PFKP: variants seen among roughly 807,000 people sequenced by gnomAD.
PFKP encodes ATP-dependent 6-phosphofructokinase, platelet type.
A neutral mutation model predicts 94.3 loss-of-function variants in PFKP; 101 were observed. The ratio of observed to expected loss-of-function variants is 1.07; its 90% confidence interval spans 0.91 to 1.26. The LOEUF (loss-of-function observed/expected upper bound fraction) is 1.26, where lower values mean the gene tolerates loss of function less well. Ranked by LOEUF, PFKP falls within the 50% of genes most tolerant of loss-of-function variation. The pLI, the probability that PFKP is intolerant of heterozygous loss-of-function variation, is 0.00. For synonymous variants in PFKP, 573 were observed against 432.6 expected (o/e 1.32, Z -4.03); for missense variants, 1,145 against 1,103.3 (o/e 1.04, Z -0.53).
At chr10:3,118,678 A>G in intron 14 of PFKP, 104 bp from the exon 15 acceptor site, 2 of 722,356 alleles carry the variant, frequency 2.8e-6, no homozygotes, top group Non-Finnish European at 2.4e-6. Flanking sequence ...CCTTAATTAA[A>G]ACCACAGACT....
At chr10:3,124,166 A>AG (rs1234278927) in intron 16 of PFKP, among the ~76,000 whole-genome samples, 4 of 152,182 alleles carry the variant, frequency 2.6e-5, no homozygotes, top group African/African-American at 7.2e-5. Context: ...TCTCCCAGGG[A>AG]GGTGTGGGCG....
At chr10:3,099,736 T>C (rs1834795965) in intron 3 of PFKP, among the ~76,000 whole-genome samples, 2 of 151,886 alleles carry the variant, frequency 1.3e-5, no homozygotes, top group South Asian at 2.1e-4. Context: ...ATCAGGAGAG[T>C]GTGGGCTGAA....
Position 3,108,754 on chromosome 10 carries a change from G to A in PFKP, c.924G>A (p.Val308=), listed in dbSNP as rs1457986935. Residue 308 remains valine (V), a synonymous_variant, in exon 9 of 22, where the codon GTG becomes GTA. Coordinates refer to ENST00000381125, the MANE Select transcript of PFKP (RefSeq NM_002627.5). Reference sequence around the variant, plus strand: ...CACGTGTGACCATCCTCGGGCACGTGCAGAGAGGAGGGACCCCTTCGGCAT... The same window carrying A: ...CACGTGTGACCATCCTCGGGCACGTACAGAGAGGAGGGACCCCTTCGGCAT... ...YDTRVTILGH[V]QRGGTPSAFD... 1.9e-6 allele frequency: 3 copies of A among 1,613,760 alleles called. No individual in the cohort carries two copies. The highest frequency in any genetic ancestry group is 1.7e-5 in the Admixed American group (1 of 60,004).
chr10:3,101,241 T>A, intron 3 of PFKP, 124 bp from the exon 4 acceptor site: 1 of 848,836 alleles, frequency 1.2e-6, no homozygotes. Flanking sequence ...AGTTACTAAC[T>A]CACAAGATGA....
At chr10:3,119,852 G>T (rs753308428) in intron 15 of PFKP, 40 bp from the exon 16 acceptor site, 5 of 1,608,364 alleles carry the variant, frequency 3.1e-6, no homozygotes, top group Middle Eastern at 1.7e-4. Context: ...CTCCTCCCCA[G>T]CTTCCCTCTC....
Position 3,112,160 on chromosome 10 carries a change from C to A in PFKP, c.1090-62C>A. ...GAAGGACCGAGCCAGTCTCTACCTA[C>A]CCCATCCATGATGCACCAGGTCCTG... On this transcript the variant is annotated intron_variant, in intron 10 of 21. Coordinates refer to ENST00000381125, the MANE Select transcript of PFKP (RefSeq NM_002627.5). The A allele has an allele frequency of 3.0e-6, 4 of 1,338,626 alleles. No individual in the cohort carries two copies. In the South Asian group the frequency reaches 3.5e-5, roughly 12 times the overall value. 82.9% of individuals were successfully genotyped at this position (1,338,626 alleles called of 1,614,324 possible). A position where few individuals can be genotyped will look rare whatever the true frequency, so the allele number is the denominator to read the frequency against.
At chr10:3,101,647 A>T in intron 4 of PFKP, 93 bp downstream of exon 4, 5 of 845,936 alleles carry the variant, frequency 5.9e-6, no homozygotes, top group Non-Finnish European at 8.9e-6. Flanking sequence ...TGGCAGAAGT[A>T]CCTCTTCTCA....
chr10:3,134,456 A>G (rs1273635651), intron 19 of PFKP, 27 bp from the exon 20 acceptor site: 6 of 1,305,800 alleles, frequency 4.6e-6, no homozygotes, highest in Non-Finnish European at 5.5e-6. Context: ...TATAACTGGT[A>G]TTTCATATAA....
chr10:3,108,257 C>T (rs1028441433), intron 8 of PFKP, among the ~76,000 whole-genome samples: 5 of 152,172 alleles, frequency 3.3e-5, no homozygotes, highest in African/African-American at 7.2e-5. Flanking sequence ...ATCACCGGGC[C>T]GGTGTGCCCA....
rs554969540 is a variant in PFKP, at chr10:3,111,398, A to G, written c.1090-824A>G. Among the ~76,000 whole-genome samples, 36 of 152,270 alleles carry G rather than the reference A, an allele frequency of 2.4e-4. No individual in the cohort carries two copies. The South Asian group carries it at 6.6e-3, about 28-fold the overall frequency. On this transcript the variant is annotated intron_variant, in intron 10 of 21. Coordinates refer to ENST00000381125, the MANE Select transcript of PFKP (RefSeq NM_002627.5). ...TGCATGTGAGAGGCAGTAGGCTTAAAAGGCTCAGAGCACTGAACGACATGC... is the reference window on the plus strand; with the variant it reads ...TGCATGTGAGAGGCAGTAGGCTTAAGAGGCTCAGAGCACTGAACGACATGC...
intron 16 of PFKP, among the ~76,000 whole-genome samples, chr10:3,123,752 C>G (rs1047516349): frequency 3.3e-5 from 5 of 152,260 alleles, no homozygotes; most frequent in African/African-American, 1.2e-4. Flanking sequence ...ACCAGGCCAG[C>G]CAGTGCCCCG....
chr10:3,080,033 G>A (rs944937165), intron 1 of PFKP, among the ~76,000 whole-genome samples: 1 of 152,084 alleles, frequency 6.6e-6, no homozygotes, highest in Non-Finnish European at 1.5e-5. Flanking sequence ...CAGAGCCGAG[G>A]AGGAGTTGGA....
At chr10:3,100,205 C>G (rs567312717) in intron 3 of PFKP, among the ~76,000 whole-genome samples, 1 of 151,888 alleles carries the variant, frequency 6.6e-6, no homozygotes, top group Non-Finnish European at 1.5e-5. Flanking sequence ...GTTGCTGGCT[C>G]TAGCTCCCAT....
intron 1 of PFKP, among the ~76,000 whole-genome samples, chr10:3,073,753 G>A (rs532490142): frequency 9.4e-5 from 14 of 149,514 alleles, no homozygotes; most frequent in African/African-American, 2.0e-4. Context: ...CAGTAGCCTC[G>A]GGGAGTCAGT....
At chr10:3,094,699 C>T (rs923065529) in intron 2 of PFKP, among the ~76,000 whole-genome samples, 1 of 152,198 alleles carries the variant, frequency 6.6e-6, no homozygotes, top group African/African-American at 2.4e-5. Flanking sequence ...CTCTTTCTCG[C>T]ACACCTAGTT....
chr10:3,110,898 TTG>T (rs920871386), intron 10 of PFKP, among the ~76,000 whole-genome samples: 2 of 150,918 alleles, frequency 1.3e-5, no homozygotes. Flanking sequence ...GTGTGCATGT[TTG>T]TGTGCATGCA....
At chr10:3,093,257 A>G (rs2131491994) in intron 2 of PFKP, among the ~76,000 whole-genome samples, 2 of 152,090 alleles carry the variant, frequency 1.3e-5, no homozygotes, top group Middle Eastern at 6.8e-3. Context: ...CCTTCCCCCA[A>G]CAGTGTTGAA....
chr10:3,131,408 C>T (rs141474151), intron 17 of PFKP, among the ~76,000 whole-genome samples: 71 of 152,332 alleles, frequency 4.7e-4, no homozygotes, highest in African/African-American at 1.6e-3. Flanking sequence ...TCCTGCCTCA[C>T]CAGCGCTCAG....
intron 20 of PFKP, 66 bp downstream of exon 20, chr10:3,134,648 T>C: frequency 2.9e-6 from 3 of 1,032,068 alleles, no homozygotes; most frequent in Non-Finnish European, 4.6e-6. Context: ...GTGAAAATGC[T>C]GTCCTATCGG....
Sources: allele counts gnomAD v4.1 joint callset (sites outside exome capture counted in the v4.1 genomes callset), GRCh38; gene constraint gnomAD v4.1.1; transcripts MANE v1.5; gene names NCBI Gene and HGNC (gene_info 2026-07-23, HGNC 2026-07-21).